Variants in PRC1 observed in about 807,000 individuals in gnomAD.
The protein encoded by PRC1 is protein regulator of cytokinesis 1.
Under a neutral mutation model 91.2 loss-of-function variants are expected in PRC1, and 54 were observed. The observed-to-expected ratio is 0.59, with a 90% CI of 0.48 to 0.74. The LOEUF is 0.74. Ranked by LOEUF, PRC1 falls within the 30% of genes least tolerant of loss-of-function variation. The pLI is 0.00. For synonymous variants in PRC1, 275 were observed against 263.6 expected (o/e 1.04, Z -0.42); for missense variants, 727 against 746.2 (o/e 0.97, Z 0.30).
At position 90,966,693 on chromosome 15, in the gene PRC1, A is replaced by G. The variant is rs1245432969; in HGVS notation, c.*438T>C. ...CAAGGCTTCAGGTAAGAGCAAAGCT[A>G]TGATAGCTACAGCATTAATTGAACA... On this transcript the variant is annotated 3_prime_UTR_variant, in exon 15 of 15. Transcript: ENST00000394249. The G allele has an allele frequency of 1.1e-5, 5 of 455,968 alleles. No homozygotes were observed. Among genetic ancestry groups the G allele is most frequent in the South Asian group, 6.2e-5 (4 of 64,484 alleles). The allele number at this position is 455,968 out of a possible 1,614,324, so 28.2% of individuals were successfully genotyped here.
At chr15:90,971,766 G>C (rs932344643) in intron 11 of PRC1, among the ~76,000 whole-genome samples, 9 of 151,970 alleles carry the variant, frequency 5.9e-5, no homozygotes, top group African/African-American at 2.2e-4. Context: ...GGAGGTTCAC[G>C]CCTGTAATCC....
intron 12 of PRC1, among the ~76,000 whole-genome samples, chr15:90,970,003 A>G (rs533728731): frequency 6.6e-6 from 1 of 152,238 alleles, no homozygotes; most frequent in East Asian, 1.9e-4. Flanking sequence ...GAAAGACTGA[A>G]TGTGTTTTGC....
In PRC1 at chr15:90,974,264, G is replaced by C. The variant is rs1442291554; in HGVS notation, c.1351-18C>G. The C allele has an allele frequency of 1.3e-6, 2 of 1,592,560 alleles. No homozygotes were observed. The highest frequency in any genetic ancestry group is 1.7e-6 in the Non-Finnish European group (2 of 1,160,684). On this transcript the variant is annotated intron_variant, in intron 10 of 14. Coordinates refer to ENST00000394249, the MANE Select transcript of PRC1 (RefSeq NM_003981.4). The surrounding 1 kb of genome is among the most constrained non-coding windows in gnomAD (Gnocchi z 4.6). ...TTCAGTTGCTGTGTGAAAGTCAGAAGCAACAGTGATAAATCTCAGGAAGAG... is the reference window on the plus strand; with the variant it reads ...TTCAGTTGCTGTGTGAAAGTCAGAACCAACAGTGATAAATCTCAGGAAGAG...
intron 1 of PRC1, among the ~76,000 whole-genome samples, chr15:90,993,696 G>T (rs967161124): frequency 5.9e-5 from 9 of 152,168 alleles, no homozygotes; most frequent in Admixed American, 3.3e-4. Flanking sequence ...AAAACGACCG[G>T]AAAAGAATTC....
chr15:90,977,740 T>C (rs1376903695), intron 8 of PRC1, among the ~76,000 whole-genome samples: 1 of 151,958 alleles, frequency 6.6e-6, no homozygotes, highest in African/African-American at 2.4e-5. Context: ...CCCGCCACCA[T>C]GCCCGGCTAA....
chr15:90,986,537 G>A (rs1221365208), intron 1 of PRC1, among the ~76,000 whole-genome samples: 1 of 152,128 alleles, frequency 6.6e-6, no homozygotes, highest in African/African-American at 2.4e-5. Context: ...CAGGAGAATC[G>A]CTTGAACCCG....
At chr15:90,993,759 C>G (rs1412993025) in intron 1 of PRC1, among the ~76,000 whole-genome samples, 1 of 152,050 alleles carries the variant, frequency 6.6e-6, no homozygotes, top group Non-Finnish European at 1.5e-5. Context: ...CCAATTCAAA[C>G]AAAACGTTAA....
intron 1 of PRC1, among the ~76,000 whole-genome samples, chr15:90,993,517 A>G (rs2040103875): frequency 6.6e-6 from 1 of 152,220 alleles, no homozygotes; most frequent in Admixed American, 6.5e-5. Flanking sequence ...AATCAGTTCC[A>G]CCAAAAACTA....
intron 1 of PRC1, among the ~76,000 whole-genome samples, chr15:90,992,445 G>T (rs2040032210): frequency 3.3e-5 from 5 of 151,888 alleles, no homozygotes; most frequent in Admixed American, 3.3e-4. Flanking sequence ...ATAGAGACAG[G>T]GTCTTGCTAT....
chr15:90,971,586 CT>C (rs34967462), intron 11 of PRC1, among the ~76,000 whole-genome samples: 39,183 of 143,996 alleles, frequency 0.27, 6,932 homozygotes, highest in African/African-American at 0.49. Flanking sequence ...CCAGCCAACA[CT>C]TTTTTTTTTT....
chr15:90,993,316 C>A (rs2040092457), intron 1 of PRC1, among the ~76,000 whole-genome samples: 1 of 149,438 alleles, frequency 6.7e-6, no homozygotes, highest in Non-Finnish European at 1.5e-5. Context: ...TGAAGCGATT[C>A]TCCTGCCTCA....
rs890637126 is a variant in PRC1 at position 90,966,650 on chromosome 15, T to C, written c.*481A>G. 22 of 456,188 alleles carry C rather than the reference T, an allele frequency of 4.8e-5. No individual in the cohort carries two copies. The highest frequency in any genetic ancestry group is 1.2e-4 in the Admixed American group (5 of 42,566). 28.3% of individuals were successfully genotyped at this position (456,188 alleles called of 1,614,324 possible). ...AAGACATTCTCTTCAGGAGGAAGGC[T>C]GTCCTGTGTGGTGGGGACAAGGCTT... On this transcript the variant is annotated 3_prime_UTR_variant, in exon 15 of 15. Coordinates refer to ENST00000394249, the MANE Select transcript of PRC1 (RefSeq NM_003981.4).
intron 9 of PRC1, among the ~76,000 whole-genome samples, chr15:90,976,419 T>TC (rs1567189297): frequency 2.0e-5 from 3 of 150,694 alleles, no homozygotes; most frequent in African/African-American, 7.3e-5. Context: ...GACCTCGCGA[T>TC]ATGCCTGCCT....
chr15:90,975,228 C>A (rs906949113), intron 9 of PRC1, among the ~76,000 whole-genome samples: 7 of 152,170 alleles, frequency 4.6e-5, no homozygotes, highest in Admixed American at 1.3e-4. Flanking sequence ...GCCTCAGCCT[C>A]CCGAGTAGCT....
chr15:90,973,494 C>G (rs374868994), intron 11 of PRC1, among the ~76,000 whole-genome samples: 65 of 152,258 alleles, frequency 4.3e-4, no homozygotes, highest in African/African-American at 1.5e-3. Context: ...AGGGAAAGAC[C>G]TGACCATCCC....
Position 90,994,486 on chromosome 15 carries a change from A to ACACGGC in PRC1, c.-70_-69insGCCGTG. The ACACGGC allele has an allele frequency of 1.5e-5, 23 of 1,542,922 alleles. No individual in the cohort carries two copies. Among genetic ancestry groups the ACACGGC allele is most frequent in the Admixed American group, 3.7e-5 (2 of 54,584 alleles). On this transcript the variant is annotated 5_prime_UTR_variant, in exon 1 of 15. Coordinates refer to ENST00000394249, the MANE Select transcript of PRC1 (RefSeq NM_003981.4). ...CCACACGGCCCCGAGAGCAACAACC[A>ACACGGC]CCCGCAAACACCGGCGATGTCACTC...
At chr15:90,968,877 A>G in intron 14 of PRC1, 5 of 1,384,054 alleles carry the variant, frequency 3.6e-6, no homozygotes, top group Non-Finnish European at 4.7e-6. Flanking sequence ...CTGAGAATCC[A>G]ATTCAAGTCT....
chr15:90,968,433 T>G (rs1338998182), intron 14 of PRC1: 1 of 985,566 alleles, frequency 1.0e-6, no homozygotes, highest in African/African-American at 1.7e-5. Context: ...GTGAGGAACA[T>G]CCTCTCCTCT....
chr15:90,979,046 T>C, intron 8 of PRC1, 112 bp downstream of exon 8: 1 of 1,302,372 alleles, frequency 7.7e-7, no homozygotes, highest in East Asian at 2.4e-5. Flanking sequence ...TCAGAGAGAC[T>C]TAATGATAAA....
Sources: gnomAD v4.1 joint callset for allele counts (sites outside exome capture counted in the v4.1 genomes callset) on GRCh38, gnomAD v4.1.1 for gene constraint, Gnocchi (gnomAD v3.1) non-coding constraint, MANE v1.5 for transcripts, NCBI Gene and HGNC (gene_info 2026-07-23, HGNC 2026-07-21) for gene names.